PACRG: variants seen among roughly 807,000 people sequenced by gnomAD.
PACRG encodes parkin coregulated.
A neutral mutation model predicts 29.7 loss-of-function variants in PACRG; 29 were observed. The ratio of observed to expected loss-of-function variants is 0.98; its 90% CI spans 0.73 to 1.33. The LOEUF (loss-of-function observed/expected upper bound fraction) is 1.33, where lower values mean the gene tolerates loss of function less well. Ranked by LOEUF, PACRG falls within the 40% of genes most tolerant of loss-of-function variation. The pLI is 0.00. For synonymous variants in PACRG, 116 were observed against 118.7 expected, an observed-to-expected ratio of 0.98 and a Z score of 0.15; for missense variants, 279 against 316.2, an observed-to-expected ratio of 0.88 and a Z score of 0.89.
intron 2 of PACRG, chr6:163,051,709 T>G (rs1239235342): frequency 6.6e-6 from 1 of 152,240 alleles, no homozygotes; most frequent in African/African-American, 2.4e-5. Flanking sequence ...TCTGAAGACA[T>G]TAAAACCTTA....
At chr6:163,100,989 A>G (rs746142391) in intron 4 of PACRG, 28 of 984,150 alleles carry the variant, frequency 2.8e-5, no homozygotes, top group Non-Finnish European at 3.4e-5. Context: ...AGAGCCCTCG[A>G]AGATCAATTT....
intron 2 of PACRG, among the ~76,000 whole-genome samples, chr6:163,039,027 A>C (rs1808454676): frequency 6.6e-6 from 1 of 152,174 alleles, no homozygotes; most frequent in Non-Finnish European, 1.5e-5. Context: ...ATCTCAACTC[A>C]AACTGTTATC....
At chr6:163,267,270 G>C (rs921159306) in intron 4 of PACRG, among the ~76,000 whole-genome samples, 3 of 152,114 alleles carry the variant, frequency 2.0e-5, no homozygotes, top group African/African-American at 7.2e-5. Flanking sequence ...CATCAGTGAC[G>C]AGTCCCCGCC....
chr6:163,244,517 AT>A (rs1177162952), intron 4 of PACRG, among the ~76,000 whole-genome samples: 1 of 152,052 alleles, frequency 6.6e-6, no homozygotes, highest in African/African-American at 2.4e-5. Flanking sequence ...TGTGTTCTGT[AT>A]TTTCGAAAGG....
At chr6:162,795,949 G>A (rs1584384688) in intron 1 of PACRG, among the ~76,000 whole-genome samples, 1 of 152,056 alleles carries the variant, frequency 6.6e-6, no homozygotes, top group South Asian at 2.1e-4. Context: ...ACCTTACTAA[G>A]TTTCTATGTT....
chr6:163,181,117 A>C (rs1344429475), intron 4 of PACRG, among the ~76,000 whole-genome samples: 3 of 152,210 alleles, frequency 2.0e-5, no homozygotes, highest in Non-Finnish European at 4.4e-5. Context: ...CCTGTGTGGG[A>C]TAGAAGGGGC....
At chr6:162,793,550 C>A (rs537133030) in intron 1 of PACRG, among the ~76,000 whole-genome samples, 52 of 151,960 alleles carry the variant, frequency 3.4e-4, no homozygotes, top group African/African-American at 1.2e-3. Context: ...TTCTAGGCAT[C>A]CTTTCACCAT....
chr6:163,137,074 AT>A (rs1816966284), intron 4 of PACRG, among the ~76,000 whole-genome samples: 1 of 152,170 alleles, frequency 6.6e-6, no homozygotes, highest in Admixed American at 6.5e-5. Flanking sequence ...AAGCACAGAG[AT>A]TTTGTGATAG....
At chr6:162,860,259 G>C (rs1383627714) in intron 2 of PACRG, among the ~76,000 whole-genome samples, 1 of 152,124 alleles carries the variant, frequency 6.6e-6, no homozygotes, top group African/African-American at 2.4e-5. Flanking sequence ...TGTATCTATA[G>C]AGCTGTGCAT....
At chr6:162,779,791 T>G (rs1210449749) in intron 1 of PACRG, among the ~76,000 whole-genome samples, 1 of 152,216 alleles carries the variant, frequency 6.6e-6, no homozygotes, top group Non-Finnish European at 1.5e-5. Context: ...ACAGCAGTTC[T>G]TCTGACCTGA....
intron 4 of PACRG, among the ~76,000 whole-genome samples, chr6:163,298,127 T>G (rs978428834): frequency 6.6e-6 from 1 of 151,998 alleles, no homozygotes; most frequent in African/African-American, 2.4e-5. Context: ...TGCCAAAAAA[T>G]CTAACTTCTG....
intron 4 of PACRG, among the ~76,000 whole-genome samples, chr6:163,243,210 A>G (rs1335736726): frequency 6.6e-6 from 1 of 152,184 alleles, no homozygotes; most frequent in Admixed American, 6.5e-5. Context: ...CTGCTATTAA[A>G]CAAATGTCCC....
chr6:163,315,068 G>A lies in PACRG; in HGVS notation c.*81G>A. 6.8e-7 allele frequency: 1 copy of A among 1,474,286 alleles called. No homozygotes were observed. The highest frequency in any genetic ancestry group is 9.2e-7 in the Non-Finnish European group (1 of 1,081,904). The allele number at this position is 1,474,286 out of a possible 1,614,324, so 91.3% of individuals were successfully genotyped here. ...TGTTGCTTTTAGCATCTCATTCCTT[G>A]TGACTTCCACAGCTTTCTTTTCTAC... On this transcript the variant is annotated 3_prime_UTR_variant, in exon 5 of 5. Transcript: ENST00000366888.
In PACRG at chr6:163,097,926, T is replaced by C. The variant is rs148080591; in HGVS notation, c.613+8518T>C. Among the ~76,000 whole-genome samples, 111 of 152,294 alleles carry C rather than the reference T, an allele frequency of 7.3e-4. 2 individuals carry two copies. In the East Asian group the frequency reaches 0.021, roughly 28 times the overall value. ...AATGGGGAAAGATCTATTATGTTAA[T>C]AGAGATTCTTTATAGACACAACTTT... is the stretch of plus-strand genomic sequence containing the variant. On this transcript the variant is annotated intron_variant, in intron 4 of 4. Coordinates refer to ENST00000366888, the MANE Select transcript of PACRG (RefSeq NM_001080379.2).
At chr6:162,961,097 T>G (rs1468970947) in intron 2 of PACRG, among the ~76,000 whole-genome samples, 1 of 152,222 alleles carries the variant, frequency 6.6e-6, no homozygotes, top group Non-Finnish European at 1.5e-5. Context: ...CCTGTGAACC[T>G]ATTCATGACA....
intron 3 of PACRG, 59 bp from the exon 4 acceptor site, chr6:163,089,200 T>C: frequency 1.3e-6 from 2 of 1,556,916 alleles, no homozygotes; most frequent in Non-Finnish European, 1.8e-6. Flanking sequence ...ACCTTAACCT[T>C]GTAGACCTGA....
At chr6:162,815,825 T>C (rs1394519172) in intron 2 of PACRG, among the ~76,000 whole-genome samples, 2 of 152,146 alleles carry the variant, frequency 1.3e-5, no homozygotes, top group Non-Finnish European at 2.9e-5. Flanking sequence ...TCCAAGATAA[T>C]ACAATGGAGT....
chr6:162,829,181 GAC>G, intron 2 of PACRG, among the ~76,000 whole-genome samples: 1 of 152,302 alleles, frequency 6.6e-6, no homozygotes, highest in East Asian at 1.9e-4. Context: ...GAAATGATGA[GAC>G]ACATGTGAGC....
At chr6:162,929,186 C>A (rs1478091154) in intron 2 of PACRG, among the ~76,000 whole-genome samples, 10 of 151,862 alleles carry the variant, frequency 6.6e-5, no homozygotes, top group East Asian at 1.9e-4. Context: ...TTTTGAGGAA[C>A]CTTCATACAG....
Sources: allele counts gnomAD v4.1 joint callset (sites outside exome capture counted in the v4.1 genomes callset), GRCh38; gene constraint gnomAD v4.1.1; transcripts MANE v1.5; gene names NCBI Gene and HGNC (gene_info 2026-07-23, HGNC 2026-07-21).